Variants in EPHA6 observed in about 807,000 individuals in gnomAD.
The protein encoded by EPHA6 is EPH receptor A6.
Under a neutral mutation model 112.0 loss-of-function variants are expected in EPHA6, and 50 were observed. The ratio of observed to expected loss-of-function variants is 0.45; its 90% CI spans 0.36 to 0.56. EPHA6 has a LOEUF of 0.56. Ranked by LOEUF, EPHA6 falls within the 20% of genes least tolerant of loss-of-function variation. EPHA6 has a pLI of 0.00. For synonymous variants in EPHA6, 529 were observed against 490.7 expected (o/e 1.08, Z -1.03); for missense variants, 1,280 against 1,417.4 (o/e 0.90, Z 1.56).
intron 15 of EPHA6, among the ~76,000 whole-genome samples, chr3:97,726,699 G>A (rs13087202): frequency 1.3e-3 from 205 of 152,092 alleles, no homozygotes; most frequent in African/African-American, 4.3e-3. Flanking sequence ...ATCCAAGTTC[G>A]AAATAGTTAT....
At chr3:97,730,230 G>C (rs192414346) in intron 15 of EPHA6, among the ~76,000 whole-genome samples, 2 of 151,960 alleles carry the variant, frequency 1.3e-5, no homozygotes, top group Non-Finnish European at 2.9e-5. Flanking sequence ...CAAGAAAATT[G>C]GAAAACTCAT....
At chr3:97,481,389 A>T (rs1472236182) in intron 9 of EPHA6, 6 of 1,501,978 alleles carry the variant, frequency 4.0e-6, no homozygotes, top group South Asian at 1.1e-5. Context: ...ACTCCCTGAA[A>T]TTTTTTGCTG....
chr3:97,135,878 G>A lies in EPHA6; in HGVS notation c.1115-90386G>A, dbSNP rs547490683. ...ATGCCACACACACACACACACACAC[G>A]CACCAGCAAGTTAAAACCACAGCAG... On this transcript the variant is annotated intron_variant, in intron 3 of 17. Coordinates refer to ENST00000389672, the MANE Select transcript of EPHA6 (RefSeq NM_001080448.3). Among the ~76,000 whole-genome samples the A allele has an allele frequency of 1.2e-4, 18 of 150,520 alleles. No homozygotes were observed. The East Asian group carries it at 2.7e-3, about 23-fold the overall frequency.
intron 3 of EPHA6, 127 bp from the exon 4 acceptor site, chr3:97,226,137 T>C (rs2078348304): frequency 1.6e-6 from 1 of 637,524 alleles, no homozygotes; most frequent in African/African-American, 1.9e-5. Flanking sequence ...ATAGATGTCT[T>C]CTCTATGTAT....
At chr3:97,481,305 G>A (rs879465971) in intron 9 of EPHA6, 147 of 1,546,882 alleles carry the variant, frequency 9.5e-5, no homozygotes, top group Middle Eastern at 2.1e-4. Flanking sequence ...ATCCGTCTTG[G>A]AGGGAGATTC....
At chr3:97,420,569 C>T (rs2088536401) in intron 6 of EPHA6, among the ~76,000 whole-genome samples, 1 of 152,048 alleles carries the variant, frequency 6.6e-6, no homozygotes, top group African/African-American at 2.4e-5. Flanking sequence ...CTGTTCCCAA[C>T]ACTAAGAGCA....
At chr3:97,141,527 G>A (rs769045634) in intron 3 of EPHA6, among the ~76,000 whole-genome samples, 3 of 151,920 alleles carry the variant, frequency 2.0e-5, no homozygotes, top group South Asian at 2.1e-4. Flanking sequence ...GTCAGTGCAC[G>A]AGGAGAACAC....
At chr3:96,922,178 A>G (rs1021402653) in intron 2 of EPHA6, among the ~76,000 whole-genome samples, 3 of 152,204 alleles carry the variant, frequency 2.0e-5, no homozygotes, top group African/African-American at 7.2e-5. Flanking sequence ...TTCTGGTAGG[A>G]ACTCTATTTC....
At chr3:97,292,633 A>G (rs916535902) in intron 5 of EPHA6, among the ~76,000 whole-genome samples, 3 of 152,214 alleles carry the variant, frequency 2.0e-5, no homozygotes, top group South Asian at 2.1e-4. Context: ...AACGGAGAGG[A>G]GACCTGTGGT....
Position 97,730,427 on chromosome 3 carries a change from T to C in EPHA6, c.2935-5498T>C, listed in dbSNP as rs531609195. Among the ~76,000 whole-genome samples, 5 of 152,254 alleles carry C rather than the reference T, an allele frequency of 3.3e-5. No homozygotes were observed. In the South Asian group the frequency reaches 6.2e-4, roughly 19 times the overall value. On this transcript the variant is annotated intron_variant, in intron 15 of 17. Transcript: ENST00000389672. ...TTCTAACTTTTCATAAAAATTATCATTGCAGTCATTTTCATATTTTTCACA... is the reference window on the plus strand; with the variant it reads ...TTCTAACTTTTCATAAAAATTATCACTGCAGTCATTTTCATATTTTTCACA...
At chr3:97,643,600 T>A (rs1020796849) in intron 14 of EPHA6, among the ~76,000 whole-genome samples, 3 of 149,518 alleles carry the variant, frequency 2.0e-5, no homozygotes, top group African/African-American at 7.4e-5. Flanking sequence ...GAGGAAGATC[T>A]ACCAAGCAAA....
chr3:96,861,590 G>A (rs1025081177), intron 1 of EPHA6, among the ~76,000 whole-genome samples: 4 of 151,880 alleles, frequency 2.6e-5, no homozygotes, highest in African/African-American at 9.7e-5. Flanking sequence ...ATTAGAAAAA[G>A]CTAACATCAC....
intron 16 of EPHA6, among the ~76,000 whole-genome samples, chr3:97,741,252 G>C (rs2107876040): frequency 6.6e-6 from 1 of 151,916 alleles, no homozygotes; most frequent in Non-Finnish European, 1.5e-5. Context: ...ACTCGAGAGA[G>C]CAAGGTGGGA....
At chr3:97,265,087 C>T (rs1249038070) in intron 5 of EPHA6, among the ~76,000 whole-genome samples, 2 of 152,176 alleles carry the variant, frequency 1.3e-5, no homozygotes, top group East Asian at 1.9e-4. Flanking sequence ...GTCATCCTGT[C>T]GTCTGCTTTG....
chr3:97,171,538 A>C (rs150179399), intron 3 of EPHA6, among the ~76,000 whole-genome samples: 148 of 152,258 alleles, frequency 9.7e-4, no homozygotes, highest in African/African-American at 3.4e-3. Flanking sequence ...CAATATGTTC[A>C]AAGATAGAAC....
At chr3:97,546,342 A>G (rs901707547) in intron 11 of EPHA6, among the ~76,000 whole-genome samples, 2 of 152,302 alleles carry the variant, frequency 1.3e-5, no homozygotes, top group Admixed American at 6.5e-5. Context: ...TTGGCTGGAT[A>G]TGAAATTCTG....
intron 1 of EPHA6, among the ~76,000 whole-genome samples, chr3:96,848,051 A>G (rs1239546137): frequency 1.3e-5 from 2 of 152,114 alleles, no homozygotes; most frequent in African/African-American, 4.8e-5. Flanking sequence ...TTGAAATTAA[A>G]GTTTCAAAAT....
At chr3:96,886,098 A>G (rs1426464186) in intron 2 of EPHA6, among the ~76,000 whole-genome samples, 1 of 151,906 alleles carries the variant, frequency 6.6e-6, no homozygotes, top group Non-Finnish European at 1.5e-5. Flanking sequence ...TGCTTGATAT[A>G]GTCTGTTTTG....
chr3:97,277,486 CAT>C (rs1472446833), intron 5 of EPHA6, among the ~76,000 whole-genome samples: 3 of 152,086 alleles, frequency 2.0e-5, no homozygotes, highest in African/African-American at 7.2e-5. Flanking sequence ...AGGAACCCGC[CAT>C]CTGGATGTGT....
Sources: allele counts gnomAD v4.1 joint callset (sites outside exome capture counted in the v4.1 genomes callset), GRCh38; gene constraint gnomAD v4.1.1; transcripts MANE v1.5; gene names NCBI Gene and HGNC (gene_info 2026-07-23, HGNC 2026-07-21).